TRPC4: variants seen among roughly 807,000 people sequenced by gnomAD.
TRPC4 encodes transient receptor potential cation channel subfamily C member 4.
A neutral mutation model predicts 99.4 loss-of-function variants in TRPC4; 49 were observed. The observed-to-expected ratio is 0.49, with a 90% CI of 0.39 to 0.63. The LOEUF (loss-of-function observed/expected upper bound fraction) is 0.63. Ranked by LOEUF, TRPC4 falls within the 20% of genes least tolerant of loss-of-function variation. TRPC4 has a pLI of 0.00. For missense variants in TRPC4, 898 were observed against 1,152.9 expected (o/e 0.78, Z 3.20); for synonymous variants, 454 against 425.9 (o/e 1.07, Z -0.81).
At chr13:37,704,998 T>C (rs1220153831) in intron 3 of TRPC4, among the ~76,000 whole-genome samples, 2 of 152,184 alleles carry the variant, frequency 1.3e-5, no homozygotes, top group African/African-American at 2.4e-5. Flanking sequence ...TCTGCACTTC[T>C]GTGTTTTTTG....
intron 1 of TRPC4, among the ~76,000 whole-genome samples, chr13:37,836,515 G>A (rs1240336370): frequency 6.6e-6 from 1 of 152,152 alleles, no homozygotes; most frequent in African/African-American, 2.4e-5. Context: ...GGGAACTGGA[G>A]TAAAGGTGAC....
intron 3 of TRPC4, among the ~76,000 whole-genome samples, chr13:37,700,782 G>T (rs1464462003): frequency 6.6e-6 from 1 of 151,958 alleles, no homozygotes; most frequent in Non-Finnish European, 1.5e-5. Flanking sequence ...GGTTATATTT[G>T]TTTCAAATGT....
intron 1 of TRPC4, among the ~76,000 whole-genome samples, chr13:37,815,817 C>A (rs769591923): frequency 1.3e-5 from 2 of 151,760 alleles, no homozygotes; most frequent in African/African-American, 4.8e-5. Flanking sequence ...AATATACATT[C>A]TTCTCATATG....
At chr13:37,710,044 G>T (rs1288998160) in intron 3 of TRPC4, among the ~76,000 whole-genome samples, 3 of 151,908 alleles carry the variant, frequency 2.0e-5, no homozygotes, top group Admixed American at 2.0e-4. Context: ...CTTTGTCAAA[G>T]AAGTCAAAGA....
At chr13:37,773,595 T>G (rs900236781) in intron 2 of TRPC4, among the ~76,000 whole-genome samples, 1 of 151,790 alleles carries the variant, frequency 6.6e-6, no homozygotes, top group East Asian at 2.0e-4. Flanking sequence ...AAAATGGCAG[T>G]TGAAGTACTT....
In TRPC4 at chr13:37,849,776, G is replaced by A. The variant is rs116284499; in HGVS notation, c.-28+19819C>T. On this transcript the variant is annotated intron_variant, in intron 1 of 10. Coordinates refer to ENST00000379705, the MANE Select transcript of TRPC4 (RefSeq NM_016179.4). ...ACTTGATCAGGCTGGAGCTGAGACCGTGCTGTGTTGGGAGCCAATCATGGT... is the reference window on the plus strand; with the variant it reads ...ACTTGATCAGGCTGGAGCTGAGACCATGCTGTGTTGGGAGCCAATCATGGT... Among the ~76,000 whole-genome samples the A allele has an allele frequency of 6.1e-3, 929 of 152,310 alleles. 18 individuals carry two copies. The highest frequency in any genetic ancestry group is 0.021 in the African/African-American group (877 of 41,568).
At chr13:37,724,136 T>C (rs1370093053) in intron 3 of TRPC4, among the ~76,000 whole-genome samples, 2 of 152,194 alleles carry the variant, frequency 1.3e-5, no homozygotes, top group Non-Finnish European at 2.9e-5. Context: ...ATGTAATTAT[T>C]GATATTTTAA....
At chr13:37,789,329 C>T (rs190431875) in intron 1 of TRPC4, among the ~76,000 whole-genome samples, 13 of 152,216 alleles carry the variant, frequency 8.5e-5, no homozygotes, top group African/African-American at 2.4e-4. Context: ...CAACTCCTGC[C>T]GGGTTTTAAA....
At position 37,832,433 on chromosome 13, in the gene TRPC4, G is replaced by T. The variant is rs1310497589; in HGVS notation, c.-28+37162C>A. On this transcript the variant is annotated intron_variant, in intron 1 of 10. Transcript: ENST00000379705. ...GTGCACCTGTAGCCCCAGCTACTCA[G>T]GAGGCTGAGGCAGTAGAATCTCTTG... is the stretch of plus-strand genomic sequence containing the variant. 2.0e-5 allele frequency among the ~76,000 whole-genome samples: 3 copies of T among 152,030 alleles called. No homozygotes were observed. The East Asian group carries it at 5.8e-4, about 29-fold the overall frequency.
Position 37,826,454 on chromosome 13 carries a change from T to G in TRPC4, c.-27-43094A>C, listed in dbSNP as rs1487996234. On this transcript the variant is annotated intron_variant, in intron 1 of 10. Transcript: ENST00000379705. ...GTTTAGCGCTTCCTTCAGGAGCTCTTTTAGGGCAGGCCTGGTGGTGACAAA... is the reference window on the plus strand; with the variant it reads ...GTTTAGCGCTTCCTTCAGGAGCTCTGTTAGGGCAGGCCTGGTGGTGACAAA... 3.9e-4 allele frequency among the ~76,000 whole-genome samples: 55 copies of G among 141,390 alleles called. No individual in the cohort carries two copies. The South Asian group carries it at 7.1e-3, about 18-fold the overall frequency. 92.8% of individuals were successfully genotyped at this position (141,390 alleles called of 152,430 possible).
chr13:37,787,487 T>G (rs2139370861), intron 1 of TRPC4, among the ~76,000 whole-genome samples: 1 of 152,208 alleles, frequency 6.6e-6, no homozygotes, highest in African/African-American at 2.4e-5. Context: ...CATAATGGTC[T>G]GATTTTTGCT....
At chr13:37,790,932 A>C (rs768478005) in intron 1 of TRPC4, among the ~76,000 whole-genome samples, 2 of 152,294 alleles carry the variant, frequency 1.3e-5, no homozygotes, top group South Asian at 2.1e-4. Flanking sequence ...GCAATAATAT[A>C]AAGAGGTATT....
At chr13:37,648,228 G>A (rs950884670) in intron 8 of TRPC4, among the ~76,000 whole-genome samples, 46 of 151,972 alleles carry the variant, frequency 3.0e-4, no homozygotes, top group African/African-American at 1.1e-3. Flanking sequence ...GGTGTGAGCC[G>A]CCGCACCCAG....
At chr13:37,645,044 A>T (rs1321052858) in intron 8 of TRPC4, among the ~76,000 whole-genome samples, 1 of 150,652 alleles carries the variant, frequency 6.6e-6, no homozygotes, top group Non-Finnish European at 1.5e-5. Flanking sequence ...ATTTTGGAAG[A>T]AGTTCTCCTT....
chr13:37,679,462 G>T (rs1566090485), intron 4 of TRPC4, among the ~76,000 whole-genome samples: 1 of 152,066 alleles, frequency 6.6e-6, no homozygotes, highest in East Asian at 1.9e-4. Context: ...CTGTATGTTT[G>T]AAATTTTTCA....
intron 1 of TRPC4, among the ~76,000 whole-genome samples, chr13:37,859,047 A>G (rs1216924026): frequency 6.6e-6 from 1 of 151,474 alleles, no homozygotes; most frequent in Non-Finnish European, 1.5e-5. Context: ...TGTACCCCAT[A>G]AATACATACA....
intron 4 of TRPC4, among the ~76,000 whole-genome samples, chr13:37,677,730 C>G (rs1566089335): frequency 6.6e-6 from 1 of 152,154 alleles, no homozygotes; most frequent in East Asian, 1.9e-4. Flanking sequence ...CAGCATTCCT[C>G]TCTCTGTAAC....
At chr13:37,717,310 G>T (rs567533043) in intron 3 of TRPC4, among the ~76,000 whole-genome samples, 95 of 152,238 alleles carry the variant, frequency 6.2e-4, no homozygotes, top group African/African-American at 2.2e-3. Flanking sequence ...GAAACATACA[G>T]ATTTTAAGTC....
At chr13:37,733,235 T>A (rs1036646964) in intron 3 of TRPC4, among the ~76,000 whole-genome samples, 1 of 152,080 alleles carries the variant, frequency 6.6e-6, no homozygotes, top group Non-Finnish European at 1.5e-5. Context: ...ACAGCACCAA[T>A]GCGCTCCAGC....
Sources: gnomAD v4.1 joint callset for allele counts (sites outside exome capture counted in the v4.1 genomes callset) on GRCh38, gnomAD v4.1.1 for gene constraint, MANE v1.5 for transcripts, NCBI Gene and HGNC (gene_info 2026-07-23, HGNC 2026-07-21) for gene names.